The following AGBL3 variants were observed in gnomAD, a reference collection of about 807,000 sequenced individuals.
The protein encoded by AGBL3 is cytosolic carboxypeptidase 3.
Under a neutral mutation model 94.5 loss-of-function variants are expected in AGBL3, and 68 were observed. The ratio of observed to expected loss-of-function variants is 0.72; its 90% CI spans 0.59 to 0.88. The LOEUF (loss-of-function observed/expected upper bound fraction) is 0.88, where lower values mean the gene tolerates loss of function less well. Among genes scored for constraint, AGBL3 ranks in the 40% least tolerant of loss-of-function variants. The probability of loss-of-function intolerance (pLI) is 0.00; values close to 1 mark genes in which losing one functional copy is unlikely to be tolerated. For missense variants in AGBL3, 934 were observed against 1,103.8 expected, an observed-to-expected ratio of 0.85 and a Z score of 2.18; for synonymous variants, 354 against 370.7, an observed-to-expected ratio of 0.95 and a Z score of 0.52.
chr7:135,011,103 G>C (rs1383497033), intron 4 of AGBL3: 1 of 152,144 alleles, frequency 6.6e-6, no homozygotes, highest in Non-Finnish European at 1.5e-5. Flanking sequence ...GAATGGAATA[G>C]AACAGAGAGC....
intron 6 of AGBL3, among the ~76,000 whole-genome samples, chr7:135,033,871 A>C (rs1816028606): frequency 6.6e-6 from 1 of 152,188 alleles, no homozygotes; most frequent in South Asian, 2.1e-4. Context: ...TTAGGTTGAA[A>C]TATATAAACT....
At chr7:135,023,033 A>G (rs552382381) in intron 5 of AGBL3, among the ~76,000 whole-genome samples, 22 of 152,128 alleles carry the variant, frequency 1.4e-4, no homozygotes, top group African/African-American at 5.3e-4. Context: ...GTTTTTTTGT[A>G]TGTATCTTTA....
chr7:135,110,705 A>G (rs371024003), intron 15 of AGBL3, among the ~76,000 whole-genome samples: 1 of 152,186 alleles, frequency 6.6e-6, no homozygotes, highest in South Asian at 2.1e-4. Context: ...TGGATATTTC[A>G]GTTGAAGGTG....
intron 16 of AGBL3, among the ~76,000 whole-genome samples, chr7:135,124,177 C>G (rs1310111463): frequency 7.3e-6 from 1 of 137,840 alleles, no homozygotes; most frequent in African/African-American, 2.7e-5. Context: ...CACATAGGCT[C>G]AAAATAAAGG....
chr7:135,125,521 G>A (rs1827753420), intron 16 of AGBL3, among the ~76,000 whole-genome samples: 1 of 152,110 alleles, frequency 6.6e-6, no homozygotes, highest in Non-Finnish European at 1.5e-5. Context: ...GAAAAGGAGG[G>A]ACTCCTCCCT....
At chr7:135,014,953 G>GT (rs763514227) in intron 4 of AGBL3, among the ~76,000 whole-genome samples, 1 of 152,202 alleles carries the variant, frequency 6.6e-6, no homozygotes, top group African/African-American at 2.4e-5. Context: ...AGACATCTGA[G>GT]TTATCTTGGG....
At chr7:135,077,362 G>A (rs1820551150) in intron 13 of AGBL3, among the ~76,000 whole-genome samples, 2 of 152,080 alleles carry the variant, frequency 1.3e-5, no homozygotes, top group African/African-American at 4.8e-5. Context: ...GCAAATGGAG[G>A]AAACCTAAGT....
chr7:135,044,075 AG>A lies in AGBL3; in HGVS notation c.1553del (p.Gly518GlufsTer4). ...ATGTCCAGAAGAGCAAAGAAGGAAC[AG>A]GAAGGGTGGTAATGTGGAAAATGGG... ...FNVQKSKEGTGRVVMWKMGIR... is the reference protein window; with the variant it reads ...FNVQKSKEGTXRVVMWKMGIR... On this transcript the variant is annotated frameshift_variant, in exon 9 of 17. Coordinates refer to ENST00000436302, the MANE Select transcript of AGBL3 (RefSeq NM_178563.4). LOFTEE classifies it high-confidence loss of function. The A allele has an allele frequency of 1.3e-6, 2 of 1,550,704 alleles. No homozygotes were observed. Among genetic ancestry groups the A allele is most frequent in the East Asian group, 4.9e-5 (2 of 40,818 alleles).
chr7:135,109,120 G>A (rs1308958977), intron 15 of AGBL3, among the ~76,000 whole-genome samples: 2 of 152,074 alleles, frequency 1.3e-5, no homozygotes, highest in African/African-American at 2.4e-5. Flanking sequence ...TCCTTGGATT[G>A]GGTTTTGCCA....
chr7:135,028,350 C>T (rs964800326), intron 5 of AGBL3, among the ~76,000 whole-genome samples: 1 of 152,044 alleles, frequency 6.6e-6, no homozygotes, highest in East Asian at 1.9e-4. Flanking sequence ...CTATTAAATC[C>T]TTAGTTTATA....
intron 5 of AGBL3, among the ~76,000 whole-genome samples, chr7:135,031,655 G>C (rs1180852704): frequency 6.6e-6 from 1 of 152,124 alleles, no homozygotes; most frequent in Non-Finnish European, 1.5e-5. Context: ...CTTTGATTTT[G>C]TATAGAGGCA....
At chr7:135,005,882 A>G (rs1392397223) in intron 4 of AGBL3, among the ~76,000 whole-genome samples, 1 of 151,980 alleles carries the variant, frequency 6.6e-6, no homozygotes, top group Non-Finnish European at 1.5e-5. Flanking sequence ...TTGGATATCC[A>G]TAGGAAGAAA....
intron 15 of AGBL3, among the ~76,000 whole-genome samples, chr7:135,083,476 T>TTC (rs201330248): frequency 6.6e-6 from 1 of 152,006 alleles, no homozygotes; most frequent in African/African-American, 2.4e-5. Flanking sequence ...AAAAAAAACT[T>TTC]TCTCTCTCTC....
At chr7:135,129,454 G>A (rs1828424348) in intron 16 of AGBL3, 1 of 779,232 alleles carries the variant, frequency 1.3e-6, no homozygotes, top group Non-Finnish European at 2.4e-6. Context: ...AGTAAGGAGT[G>A]GCTAGAGAAA....
At chr7:135,102,524 G>C (rs1234370865) in intron 15 of AGBL3, among the ~76,000 whole-genome samples, 1 of 151,962 alleles carries the variant, frequency 6.6e-6, no homozygotes, top group East Asian at 1.9e-4. Flanking sequence ...CATGTTCTCA[G>C]TATTATGTGG....
chr7:135,094,352 AG>A, intron 15 of AGBL3: 1 of 456,608 alleles, frequency 2.2e-6, no homozygotes, highest in Non-Finnish European at 4.4e-6. Context: ...AGACGAATCC[AG>A]GGAGTCACTG....
intron 5 of AGBL3, among the ~76,000 whole-genome samples, chr7:135,026,950 T>C (rs1815216250): frequency 6.6e-6 from 1 of 151,718 alleles, no homozygotes; most frequent in Admixed American, 6.6e-5. Context: ...CTTTTAGTAT[T>C]TCATTTTAAT....
At chr7:134,994,804 GT>G (rs1412078762) in intron 4 of AGBL3, among the ~76,000 whole-genome samples, 1 of 152,174 alleles carries the variant, frequency 6.6e-6, no homozygotes, top group African/African-American at 2.4e-5. Context: ...GAATTCCAAA[GT>G]TATAGGGTTA....
chr7:134,993,116 A>C (rs1278507651), intron 3 of AGBL3, among the ~76,000 whole-genome samples: 2 of 152,340 alleles, frequency 1.3e-5, no homozygotes, highest in East Asian at 3.9e-4. Context: ...AACCTTGAGA[A>C]TACAGTTCCA....
Sources: allele counts gnomAD v4.1 joint callset (sites outside exome capture counted in the v4.1 genomes callset), GRCh38; gene constraint gnomAD v4.1.1; transcripts MANE v1.5; gene names NCBI Gene and HGNC (gene_info 2026-07-23, HGNC 2026-07-21).